The following SPINK14 variants were observed in gnomAD, a reference collection of about 807,000 sequenced individuals.
SPINK14 encodes the protein serine protease inhibitor Kazal-type 14.
In SPINK14, 6 loss-of-function variants were observed where a neutral mutation model predicts 14.2. That is an observed-to-expected ratio of 0.42 (90% CI 0.23 to 0.83). SPINK14 has a LOEUF of 0.83. Ranked by LOEUF, SPINK14 falls within the 40% of genes least tolerant of loss-of-function variation. The probability of loss-of-function intolerance (pLI) is 0.28; values close to 1 mark genes in which losing one functional copy is unlikely to be tolerated. For synonymous variants in SPINK14, 34 were observed against 36.8 expected, an observed-to-expected ratio of 0.92 and a Z score of 0.27; for missense variants, 86 against 108.3, an observed-to-expected ratio of 0.79 and a Z score of 0.91.
chr5:148,175,275 A>G, intron 4 of SPINK14, 78 bp from the exon 5 acceptor site: 2 of 939,270 alleles, frequency 2.1e-6, no homozygotes, highest in Non-Finnish European at 3.3e-6. Flanking sequence ...CAGGTTTTAG[A>G]TAGATAATTT....
chr5:148,170,855 C>A, intron 2 of SPINK14, 75 bp from the exon 3 acceptor site: 1 of 1,293,762 alleles, frequency 7.7e-7, no homozygotes, highest in Non-Finnish European at 1.1e-6. Flanking sequence ...AATTAGAACT[C>A]GTTTATTCTG....
intron 4 of SPINK14, 41 bp from the exon 5 acceptor site, chr5:148,175,312 T>C: frequency 8.0e-7 from 1 of 1,256,774 alleles, no homozygotes; most frequent in Non-Finnish European, 1.1e-6. Context: ...GTTCTGACAT[T>C]GTATTACTAA....
intron 2 of SPINK14, among the ~76,000 whole-genome samples, chr5:148,170,173 T>TACACACAC (rs376416343): frequency 5.2e-4 from 69 of 133,802 alleles, no homozygotes; most frequent in African/African-American, 1.3e-3. Flanking sequence ...TATATATATA[T>TACACACAC]ACACACACAC....
intron 3 of SPINK14, among the ~76,000 whole-genome samples, chr5:148,172,176 C>T (rs150253966): frequency 6.6e-6 from 1 of 151,970 alleles, no homozygotes; most frequent in Non-Finnish European, 1.5e-5. Context: ...TGGGTTCAGG[C>T]AAGGTTTGTC....
chr5:148,169,192 C>A (rs1351792205), intron 1 of SPINK14, among the ~76,000 whole-genome samples: 1 of 152,102 alleles, frequency 6.6e-6, no homozygotes, highest in Non-Finnish European at 1.5e-5. Context: ...TCAGAAGATC[C>A]TTGGTATAGA....
chr5:148,170,628 A>G (rs1009049698), intron 2 of SPINK14, among the ~76,000 whole-genome samples: 1 of 152,126 alleles, frequency 6.6e-6, no homozygotes, highest in African/African-American at 2.4e-5. Flanking sequence ...TTTCTTTCAT[A>G]CATAGATTAC....
In SPINK14 at chr5:148,174,563, T is replaced by C. The variant is rs1755143783; in HGVS notation, c.248+193T>C. On this transcript the variant is annotated intron_variant, in intron 4 of 4. Transcript: ENST00000356972. ...ACTGGACTAGAAAGTAGACTCATTGTACCGAATGACATTCCTCAGGTCCGT... is the reference window on the plus strand; with the variant it reads ...ACTGGACTAGAAAGTAGACTCATTGCACCGAATGACATTCCTCAGGTCCGT... Among the ~76,000 whole-genome samples, 2 of 98,592 alleles carry C rather than the reference T, an allele frequency of 2.0e-5. 1 individual carries two copies. The highest frequency in any genetic ancestry group is 4.4e-5 in the Non-Finnish European group (2 of 45,658). The allele number at this position is 98,592 out of a possible 152,430, so 64.7% of individuals were successfully genotyped here.
chr5:148,171,988 G>T lies in SPINK14; in HGVS notation c.111+1015G>T, dbSNP rs188251927. On this transcript the variant is annotated intron_variant, in intron 3 of 4. Coordinates refer to ENST00000356972, the MANE Select transcript of SPINK14 (RefSeq NM_001001325.2). ...TAAAAAATATTTATTAATCACCTAT[G>T]CTGTGCCCTAAGATACACTATTGAG... 8.7e-4 allele frequency among the ~76,000 whole-genome samples: 133 copies of T among 152,186 alleles called. 3 individuals are homozygous for T. The highest frequency in any genetic ancestry group is 8.7e-3 in the Admixed American group (133 of 15,258).
At chr5:148,169,525 T>G (rs1755072592) in intron 1 of SPINK14, among the ~76,000 whole-genome samples, 136 bp from the exon 2 acceptor site, 4 of 152,188 alleles carry the variant, frequency 2.6e-5, no homozygotes, top group Admixed American at 2.6e-4. Flanking sequence ...ATTCAAGGTT[T>G]AACTTTTTAA....
chr5:148,171,073 G>A (rs2076471586), intron 3 of SPINK14, 100 bp downstream of exon 3: 26 of 1,113,568 alleles, frequency 2.3e-5, no homozygotes, highest in East Asian at 1.5e-4. Flanking sequence ...AAGGTCACCC[G>A]TAATAGTCTT....
Position 148,169,817 on chromosome 5 carries a change from T to C in SPINK14, c.67+18T>C, listed in dbSNP as rs1377008621. The C allele has an allele frequency of 6.2e-7, 1 of 1,602,228 alleles. No homozygotes were observed. Among genetic ancestry groups the C allele is most frequent in the Admixed American group, 1.7e-5 (1 of 58,884 alleles). On this transcript the variant is annotated intron_variant, in intron 2 of 4. Transcript: ENST00000356972. ...ATCTTCTGGTGAGTAATTTAGCTGG[T>C]CTTGGCCAGCAGTTGAAATTGATTT... is the stretch of plus-strand genomic sequence containing the variant.
At position 148,170,167 on chromosome 5, in the gene SPINK14, T is replaced by TACACACACAC. The variant is rs1377265238; in HGVS notation, c.67+369_67+370insCACACACACA. ...TATACACATACTCAGAGTATATATA[T>TACACACACAC]ATATATACACACACACACACACACA... On this transcript the variant is annotated intron_variant, in intron 2 of 4. Coordinates refer to ENST00000356972, the MANE Select transcript of SPINK14 (RefSeq NM_001001325.2). 8.5e-3 allele frequency among the ~76,000 whole-genome samples: 839 copies of TACACACACAC among 99,124 alleles called. 9 individuals carry two copies. Among genetic ancestry groups the TACACACACAC allele is most frequent in the African/African-American group, 0.027 (808 of 29,944 alleles). 65.0% of individuals were successfully genotyped at this position (99,124 alleles called of 152,430 possible).
Position 148,169,644 on chromosome 5 carries a change from G to A in SPINK14, c.-72-17G>A. On this transcript the variant is annotated splice_polypyrimidine_tract_variant and intron_variant, in intron 1 of 4. Transcript: ENST00000356972. ...CATTGTAAAAGTCATCTTAAATCCT[G>A]ATTGTCTCTACTTTAGTGATTGTAT... 13 of 1,016,334 alleles carry A rather than the reference G, an allele frequency of 1.3e-5. No individual in the cohort carries two copies. In the South Asian group the frequency reaches 2.0e-4, roughly 15 times the overall value. The allele number at this position is 1,016,334 out of a possible 1,614,324, so 63.0% of individuals were successfully genotyped here.
At chr5:148,170,703 C>G (rs542379256) in intron 2 of SPINK14, among the ~76,000 whole-genome samples, 4 of 152,090 alleles carry the variant, frequency 2.6e-5, no homozygotes, top group Admixed American at 6.6e-5. Flanking sequence ...GACTGCCAGC[C>G]TTTATGAAAC....
intron 3 of SPINK14, among the ~76,000 whole-genome samples, chr5:148,172,926 C>T (rs1302580766): frequency 2.0e-5 from 3 of 152,012 alleles, no homozygotes; most frequent in Non-Finnish European, 4.4e-5. Context: ...TTGGGAGGTT[C>T]CAGGTCACAT....
intron 2 of SPINK14, among the ~76,000 whole-genome samples, chr5:148,170,171 T>TACACACACACAC (rs374908374): frequency 7.2e-6 from 1 of 138,236 alleles, no homozygotes; most frequent in Middle Eastern, 3.6e-3. Flanking sequence ...TATATATATA[T>TACACACACACAC]ATACACACAC....
rs557738668 is a variant in SPINK14 at position 148,174,567 on chromosome 5, G to A, written c.248+197G>A. On this transcript the variant is annotated intron_variant, in intron 4 of 4. Coordinates refer to ENST00000356972, the MANE Select transcript of SPINK14 (RefSeq NM_001001325.2). ...GACTAGAAAGTAGACTCATTGTACC[G>A]AATGACATTCCTCAGGTCCGTTCTG... 6.3e-5 allele frequency among the ~76,000 whole-genome samples: 6 copies of A among 94,580 alleles called. 2 individuals carry two copies. Among genetic ancestry groups the A allele is most frequent in the South Asian group, 3.3e-4 (1 of 3,022 alleles). The allele number at this position is 94,580 out of a possible 152,430, so 62.0% of individuals were successfully genotyped here.
chr5:148,170,169 TATATACACAC>T (rs1755084139), intron 2 of SPINK14, among the ~76,000 whole-genome samples: 3 of 105,680 alleles, frequency 2.8e-5, no homozygotes, highest in African/African-American at 9.4e-5. Flanking sequence ...TATATATATA[TATATACACAC>T]ACACACACAC....
At chr5:148,175,252 C>A in intron 4 of SPINK14, 101 bp from the exon 5 acceptor site, 1 of 769,380 alleles carries the variant, frequency 1.3e-6, no homozygotes, top group Non-Finnish European at 2.1e-6. Flanking sequence ...CTTAGTTTTT[C>A]CAAATATAAA....
Sources: gnomAD v4.1 joint callset for allele counts (sites outside exome capture counted in the v4.1 genomes callset) on GRCh38, gnomAD v4.1.1 for gene constraint, MANE v1.5 for transcripts, NCBI Gene and HGNC (gene_info 2026-07-23, HGNC 2026-07-21) for gene names.